The following CFAP69 variants were observed in gnomAD, a reference collection of about 807,000 sequenced individuals.
CFAP69 encodes cilia- and flagella-associated protein 69.
CFAP69 carries 92 observed loss-of-function variants against 123.0 expected under a neutral mutation model. The observed-to-expected ratio is 0.75, with a 90% CI of 0.63 to 0.89. The LOEUF is 0.89. CFAP69 is among the 40% of genes least tolerant of loss of function. The pLI, the probability that CFAP69 is intolerant of heterozygous loss-of-function variation, is 0.00. For missense variants in CFAP69, 1,067 were observed against 1,096.9 expected (o/e 0.97, Z 0.39); for synonymous variants, 380 against 364.3 (o/e 1.04, Z -0.49).
intron 4 of CFAP69, among the ~76,000 whole-genome samples, chr7:90,262,876 T>G (rs11563555): frequency 0.02 from 2,997 of 152,190 alleles, 99 homozygotes; most frequent in East Asian, 0.11. Context: ...ATATTTAATA[T>G]GTAACCACTT....
At chr7:90,276,254 A>G (rs1788588198) in intron 9 of CFAP69, 1 of 152,232 alleles carries the variant, frequency 6.6e-6, no homozygotes, top group South Asian at 2.1e-4. Context: ...TGCTGTGCAA[A>G]TAGGGAAACA....
chr7:90,254,074 C>G (rs1286067758), intron 1 of CFAP69, among the ~76,000 whole-genome samples: 1 of 152,152 alleles, frequency 6.6e-6, no homozygotes, highest in Non-Finnish European at 1.5e-5. Context: ...GTTTTCCTGA[C>G]ACCATTTATT....
At chr7:90,261,812 GAATA>G in intron 3 of CFAP69, 131 bp from the exon 4 acceptor site, 1 of 419,680 alleles carries the variant, frequency 2.4e-6, no homozygotes, top group Non-Finnish European at 4.2e-6. Flanking sequence ...TTCAAAATAA[GAATA>G]ATTAAAACAG....
intron 14 of CFAP69, among the ~76,000 whole-genome samples, chr7:90,287,994 T>A (rs562008558): frequency 4.6e-5 from 7 of 152,200 alleles, no homozygotes; most frequent in African/African-American, 1.7e-4. Context: ...TCAAGGGATA[T>A]TATTAAGCTG....
chr7:90,266,382 T>A (rs1031513006), intron 5 of CFAP69, among the ~76,000 whole-genome samples: 1 of 152,014 alleles, frequency 6.6e-6, no homozygotes, highest in Non-Finnish European at 1.5e-5. Context: ...TTCAGAAATA[T>A]GGGAATTTTT....
In CFAP69 at chr7:90,309,378, T is replaced by G. The variant is rs541479699; in HGVS notation, c.2655+11T>G. ...GGCCTTAACACAACGGTAAGATTCT[T>G]TCTCCATAACATTTTCTTAATAGAC... On this transcript the variant is annotated intron_variant, in intron 22 of 22. Transcript: ENST00000389297. The G allele has an allele frequency of 2.1e-6, 3 of 1,398,400 alleles. No homozygotes were observed. The highest frequency in any genetic ancestry group is 3.0e-6 in the Non-Finnish European group (3 of 1,014,358). The allele number at this position is 1,398,400 out of a possible 1,614,324, so 86.6% of individuals were successfully genotyped here. A position where few individuals can be genotyped will look rare whatever the true frequency, so the allele number is the denominator to read the frequency against.
downstream of CFAP69, among the ~76,000 whole-genome samples, chr7:90,312,147 CT>C (rs1201065348): frequency 4.6e-5 from 7 of 152,144 alleles, no homozygotes; most frequent in Admixed American, 4.6e-4. Flanking sequence ...TGATGGTGGC[CT>C]CAGCTACTGG....
chr7:90,308,878 T>C (rs1214229935), intron 21 of CFAP69, among the ~76,000 whole-genome samples: 1 of 152,192 alleles, frequency 6.6e-6, no homozygotes, highest in African/African-American at 2.4e-5. Flanking sequence ...CATTTAAGTG[T>C]ACTTAATCAG....
chr7:90,290,768 T>G (rs903279888), intron 15 of CFAP69, among the ~76,000 whole-genome samples: 9 of 77,236 alleles, frequency 1.2e-4, no homozygotes, highest in African/African-American at 6.0e-4. Flanking sequence ...TTCTTTTCTT[T>G]TCTTTTCTTT....
chr7:90,256,770 T>G (rs779531556), intron 2 of CFAP69, among the ~76,000 whole-genome samples: 1 of 152,202 alleles, frequency 6.6e-6, no homozygotes, highest in Non-Finnish European at 1.5e-5. Flanking sequence ...AAACCACAAC[T>G]GCATAGAGTG....
At chr7:90,275,823 C>G (rs193206201) in intron 9 of CFAP69, among the ~76,000 whole-genome samples, 1 of 151,830 alleles carries the variant, frequency 6.6e-6, no homozygotes, top group African/African-American at 2.4e-5. Context: ...AGGATGGTCT[C>G]GATCTCCTGA....
chr7:90,294,227 C>T (rs553921456), intron 15 of CFAP69, among the ~76,000 whole-genome samples: 3 of 152,186 alleles, frequency 2.0e-5, no homozygotes, highest in South Asian at 2.1e-4. Flanking sequence ...CATTTATGAC[C>T]GTAAAGTATT....
the CFAP69 span, chr7:90,321,442 C>A: frequency 0.02 from 3,003 of 153,082 alleles, 98 homozygotes; most frequent in East Asian, 0.11. Flanking sequence ...CGCCCTGCGG[C>A]CCTGCTTTGG....
chr7:90,301,506 G>A (rs1034123354), intron 17 of CFAP69: 2 of 151,982 alleles, frequency 1.3e-5, no homozygotes, highest in African/African-American at 4.8e-5. Flanking sequence ...ATAGGCCTCA[G>A]TGTGTGTTGT....
At chr7:90,307,308 A>T (rs905912194) in intron 20 of CFAP69, among the ~76,000 whole-genome samples, 5 of 152,346 alleles carry the variant, frequency 3.3e-5, no homozygotes, top group African/African-American at 1.2e-4. Context: ...GGATATCCCA[A>T]TTACCCTGAT....
chr7:90,314,870 C>CA (rs1422583359), downstream of CFAP69, among the ~76,000 whole-genome samples: 8 of 151,628 alleles, frequency 5.3e-5, no homozygotes, highest in African/African-American at 1.9e-4. Flanking sequence ...TCGCTCCCCC[C>CA]CCTGCTTTAA....
chr7:90,305,146 T>C (rs1276155717), intron 19 of CFAP69, among the ~76,000 whole-genome samples: 1 of 151,754 alleles, frequency 6.6e-6, no homozygotes, highest in African/African-American at 2.4e-5. Flanking sequence ...ATCAAGACCA[T>C]CCTGGCTAAC....
chr7:90,286,190 T>A, intron 13 of CFAP69, 91 bp from the exon 14 acceptor site: 1 of 1,094,936 alleles, frequency 9.1e-7, no homozygotes, highest in East Asian at 2.6e-5. Flanking sequence ...TCTAGCCAAA[T>A]AAACTTTTTA....
rs1794228208 is a variant in CFAP69 at position 90,310,569 on chromosome 7, C to G, written c.*331C>G. 6.4e-6 allele frequency: 1 copy of G among 155,318 alleles called. No homozygotes were observed. The highest frequency in any genetic ancestry group is 6.5e-5 in the Admixed American group (1 of 15,328). 9.6% of individuals were successfully genotyped at this position (155,318 alleles called of 1,614,324 possible). A position where few individuals can be genotyped will look rare whatever the true frequency, so the allele number is the denominator to read the frequency against. ...AAAAAATTTCTTACAGGCTCTATAC[C>G]TATCAAATCTAGGAGGAATTTAGAC... On this transcript the variant is annotated 3_prime_UTR_variant, in exon 23 of 23. Coordinates refer to ENST00000389297, the MANE Select transcript of CFAP69 (RefSeq NM_001039706.3).
Sources: allele counts gnomAD v4.1 joint callset (sites outside exome capture counted in the v4.1 genomes callset), GRCh38; gene constraint gnomAD v4.1.1; transcripts MANE v1.5; gene names NCBI Gene and HGNC (gene_info 2026-07-23, HGNC 2026-07-21).